RNF123: variants seen among roughly 807,000 people sequenced by gnomAD.
RNF123 encodes ring finger protein 123.
In RNF123, 86 loss-of-function variants were observed where a neutral mutation model predicts 168.5. That is an observed-to-expected ratio of 0.51 (90% CI 0.43 to 0.61). The LOEUF is 0.61. RNF123 is among the 20% of genes least tolerant of loss of function. The probability of loss-of-function intolerance (pLI) is 0.00; values close to 1 mark genes in which losing one functional copy is unlikely to be tolerated. For synonymous variants in RNF123, 666 were observed against 689.1 expected (o/e 0.97, Z 0.52); for missense variants, 1,419 against 1,729.7 (o/e 0.82, Z 3.19).
rs762097768 is a variant in RNF123 at position 49,716,219 on chromosome 3, T to G, written c.3415+42T>G. Reference sequence around the variant, plus strand: ...CCTGCACCCCAACACACTACAGGCCTCGGTTCCTCTGCTAGGAACAGTGAG... The same window carrying G: ...CCTGCACCCCAACACACTACAGGCCGCGGTTCCTCTGCTAGGAACAGTGAG... On this transcript the variant is annotated intron_variant, in intron 34 of 38. Coordinates refer to ENST00000327697, the MANE Select transcript of RNF123 (RefSeq NM_022064.5). 15 of 1,603,258 alleles carry G rather than the reference T, an allele frequency of 9.4e-6. No individual in the cohort carries two copies. The African/African-American group carries it at 1.9e-4, about 20-fold the overall frequency.
intron 1 of RNF123, among the ~76,000 whole-genome samples, chr3:49,690,603 A>C (rs2054131674): frequency 6.6e-6 from 1 of 152,240 alleles, no homozygotes; most frequent in South Asian, 2.1e-4. Flanking sequence ...AGGACCATGG[A>C]TAAAAGAAGG....
intron 26 of RNF123, among the ~76,000 whole-genome samples, chr3:49,708,033 C>G (rs1004830769): frequency 6.6e-6 from 1 of 152,044 alleles, no homozygotes; most frequent in South Asian, 2.1e-4. Context: ...GTTGCCCAGG[C>G]TGGACTGCAA....
chr3:49,715,135 A>G (rs1325004202), intron 31 of RNF123, among the ~76,000 whole-genome samples: 1 of 152,276 alleles, frequency 6.6e-6, no homozygotes, highest in Non-Finnish European at 1.5e-5. Context: ...GGCCAGGCCA[A>G]GGGCAGCAGA....
In RNF123 at chr3:49,705,764, C is replaced by T. The variant is rs2054504313; in HGVS notation, c.2304+85C>T. On this transcript the variant is annotated intron_variant, in intron 24 of 38. Coordinates refer to ENST00000327697, the MANE Select transcript of RNF123 (RefSeq NM_022064.5). Reference sequence around the variant, plus strand: ...GTATTCCTGTGTGCACATGGGCCCGCAGGGCTGCCTGTTCAAGACCGTGCA... The same window carrying T: ...GTATTCCTGTGTGCACATGGGCCCGTAGGGCTGCCTGTTCAAGACCGTGCA... The T allele has an allele frequency of 2.5e-6, 4 of 1,584,784 alleles. No homozygotes were observed. In the Admixed American group the frequency reaches 5.3e-5, roughly 21 times the overall value.
rs1221939858 is a variant in RNF123, at chr3:49,700,626, C to T, written c.1204-10C>T. 1 of 1,614,112 alleles carries T rather than the reference C, an allele frequency of 6.2e-7. No homozygotes were observed. The highest frequency in any genetic ancestry group is 8.5e-7 in the Non-Finnish European group (1 of 1,180,052). ...CTCGCCTGTCCACTCTGAACGCCCC[C>T]TCTCCACAGATCCATTACCTGCGGC... On this transcript the variant is annotated splice_polypyrimidine_tract_variant and intron_variant, in intron 14 of 38. Coordinates refer to ENST00000327697, the MANE Select transcript of RNF123 (RefSeq NM_022064.5).
chr3:49,713,614 G>A, intron 28 of RNF123, 27 bp downstream of exon 28: 1 of 1,605,654 alleles, frequency 6.2e-7, no homozygotes, highest in Non-Finnish European at 8.5e-7. Flanking sequence ...GAGGGTACAG[G>A]GGGAGGGGGA....
At chr3:49,697,754 G>C in intron 5 of RNF123, 131 bp from the exon 6 acceptor site, 1 of 1,108,514 alleles carries the variant, frequency 9.0e-7, no homozygotes, top group Non-Finnish European at 1.4e-6. Context: ...ACCGTCCTCA[G>C]GCACAGTGCA....
chr3:49,704,820 G>A (rs894970313), intron 22 of RNF123, 64 bp downstream of exon 22: 12 of 1,466,724 alleles, frequency 8.2e-6, no homozygotes, highest in Non-Finnish European at 1.1e-5. Context: ...ATGGGCAGGG[G>A]TCTCATCCAG....
chr3:49,702,509 C>T, intron 19 of RNF123, 104 bp downstream of exon 19: 1 of 1,604,460 alleles, frequency 6.2e-7, no homozygotes, highest in South Asian at 1.1e-5. Flanking sequence ...CTGCCTAGCC[C>T]CAAGCTTTTC....
At chr3:49,708,031 G>T (rs1269542551) in intron 26 of RNF123, among the ~76,000 whole-genome samples, 4 of 152,032 alleles carry the variant, frequency 2.6e-5, no homozygotes, top group Admixed American at 2.6e-4. Context: ...CTGTTGCCCA[G>T]GCTGGACTGC....
chr3:49,693,996 G>T (rs1218451868), intron 3 of RNF123, among the ~76,000 whole-genome samples: 2 of 152,080 alleles, frequency 1.3e-5, no homozygotes, highest in Non-Finnish European at 1.5e-5. Flanking sequence ...GTATATTCTG[G>T]TTATTAATCC....
chr3:49,718,823 A>G (rs141067038), intron 35 of RNF123: 2 of 1,613,380 alleles, frequency 1.2e-6, no homozygotes, highest in Non-Finnish European at 1.7e-6. Context: ...TTGTGCAAGT[A>G]GAGGCCGTTC....
chr3:49,704,288 G>C (rs1033004254), intron 21 of RNF123, among the ~76,000 whole-genome samples: 4 of 152,302 alleles, frequency 2.6e-5, no homozygotes, highest in Middle Eastern at 3.4e-3. Context: ...TTATGGAGTA[G>C]TCAGAGAGTG....
rs754345755 is a variant in RNF123 at position 49,702,800 on chromosome 3, G to A, written c.1750+47G>A. On this transcript the variant is annotated intron_variant, in intron 20 of 38. Transcript: ENST00000327697. ...GGTCAGTGAGGCTGGACAGAGCCAG[G>A]CGTAGGGCAGCCCCTAATGTTAGTG... 2.9e-5 allele frequency: 46 copies of A among 1,612,544 alleles called. No individual in the cohort carries two copies. The South Asian group carries it at 4.5e-4, about 16-fold the overall frequency.
intron 21 of RNF123, among the ~76,000 whole-genome samples, chr3:49,704,371 C>T (rs2054469579): frequency 6.6e-6 from 1 of 152,122 alleles, no homozygotes; most frequent in Admixed American, 6.5e-5. Context: ...GATGGGCTTA[C>T]ATCTATGTAG....
In RNF123 at chr3:49,705,568, G is replaced by T. The variant is rs756535292; in HGVS notation, c.2193G>T (p.Leu731=). ...EGSHWNEGLL[L]GRPPEEPEQP... is the part of the protein sequence containing the mutation. The stretch of plus-strand genomic sequence containing the variant: ...GCCACTGGAATGAGGGCTTGCTGCT[G>T]GGGCGGCCCCCCGAGGAGCCTGAGC... The change falls in exon 24 of 39, where the codon CTG becomes CTT. Residue 731 remains leucine (L), a synonymous_variant. Coordinates refer to ENST00000327697, the MANE Select transcript of RNF123 (RefSeq NM_022064.5). 9.9e-6 allele frequency: 16 copies of T among 1,608,762 alleles called. No individual in the cohort carries two copies. In the Middle Eastern group the frequency reaches 5.0e-4, roughly 50 times the overall value.
Position 49,697,425 on chromosome 3 carries a change from G to T in RNF123, c.310G>T (p.Gly104Trp). The T allele has an allele frequency of 6.2e-7, 1 of 1,610,598 alleles. No individual in the cohort carries two copies. Among genetic ancestry groups the T allele is most frequent in the Non-Finnish European group, 8.5e-7 (1 of 1,178,128 alleles). ...VVLDHTGGFE[G>W]LLLVDDDLLG... ...CCTGGACCACACAGGCGGCTTTGAG[G>T]GGCTTCTCCTGGTGGATGATGACCT... Residue 104 changes from glycine (G) to tryptophan (W), a missense_variant, in exon 5 of 39, where the codon GGG becomes TGG. Gly to Trp is a radical substitution (Grantham distance 184, BLOSUM62 -2). This residue lies in a region of RNF123 where 318 missense variants were observed against 446.6 expected (regional missense o/e 0.71). Transcript: ENST00000327697.
rs778655537 is a variant in RNF123, at chr3:49,700,314, G to A, written c.1072G>A (p.Val358Met). The change falls in exon 13 of 39, where the codon GTG (valine) becomes ATG (methionine). Residue 358 changes from valine to methionine, a missense_variant. This residue lies in a region of RNF123 where 349 missense variants were observed against 344.9 expected (regional missense o/e 1.01). Coordinates refer to ENST00000327697, the MANE Select transcript of RNF123 (RefSeq NM_022064.5). ...KGTPTQAQSV[V>M]HQVLDLLWLF... ...CACACCCACACAGGCACAGTCCGTG[G>A]TGCACCAGGTCCTGGACCTCTTGTG... 1.2e-6 allele frequency: 2 copies of A among 1,614,240 alleles called. No individual in the cohort carries two copies. The highest frequency in any genetic ancestry group is 1.1e-5 in the South Asian group (1 of 91,090).
At chr3:49,697,299 C>A (rs903401488) in intron 4 of RNF123, 64 bp from the exon 5 acceptor site, 13 of 1,592,398 alleles carry the variant, frequency 8.2e-6, no homozygotes, top group Non-Finnish European at 1.1e-5. Context: ...CTGGTGAGCT[C>A]AGGACACCCT....
Sources: gnomAD v4.1 joint callset for allele counts (sites outside exome capture counted in the v4.1 genomes callset) on GRCh38, gnomAD v4.1.1 for gene constraint, gnomAD v4.1.1 regional missense constraint, MANE v1.5 for transcripts, NCBI Gene and HGNC (gene_info 2026-07-23, HGNC 2026-07-21) for gene names.